The following ZNF423 variants were observed in gnomAD, a reference collection of about 807,000 sequenced individuals.
The protein encoded by ZNF423 is Ebf-associated zinc finger protein.
Under a neutral mutation model 95.8 loss-of-function variants are expected in ZNF423, and 12 were observed. That is an observed-to-expected ratio of 0.13 (90% CI 0.08 to 0.20). ZNF423 has a LOEUF of 0.20. Among genes scored for constraint, ZNF423 ranks in the 10% least tolerant of loss-of-function variants. The pLI, the probability that ZNF423 is intolerant of heterozygous loss-of-function variation, is 1.00. For missense variants in ZNF423, 1,316 were observed against 1,737.1 expected, an observed-to-expected ratio of 0.76 and a Z score of 4.31; for synonymous variants, 749 against 711.9, an observed-to-expected ratio of 1.05 and a Z score of -0.83.
Position 49,798,531 on chromosome 16 carries a change from A to G in ZNF423, c.41-8985T>C, listed in dbSNP as rs182227617. 5.3e-4 allele frequency among the ~76,000 whole-genome samples: 81 copies of G among 152,292 alleles called. 1 individual carries two copies. Among genetic ancestry groups the G allele is most frequent in the Non-Finnish European group, 1.9e-4 (13 of 68,028 alleles). On this transcript the variant is annotated intron_variant, in intron 1 of 7. Transcript: ENST00000563137. ...TCAGAAACAAAACAAAATAAAAAAG[A>G]AGCCTGTTTTCAGACAACACAACTC...
intron 4 of ZNF423, among the ~76,000 whole-genome samples, chr16:49,628,365 T>G (rs1972381079): frequency 6.6e-6 from 1 of 151,072 alleles, no homozygotes; most frequent in South Asian, 2.1e-4. Flanking sequence ...CACCCATCCA[T>G]CTACATACAC....
chr16:49,606,528 A>T (rs1475807088), intron 5 of ZNF423, among the ~76,000 whole-genome samples: 1 of 152,156 alleles, frequency 6.6e-6, no homozygotes, highest in Non-Finnish European at 1.5e-5. Flanking sequence ...GCCCTGATGG[A>T]CTGGGGGTTA....
intron 3 of ZNF423, among the ~76,000 whole-genome samples, chr16:49,654,366 C>T (rs1347340105): frequency 6.6e-6 from 1 of 152,212 alleles, no homozygotes; most frequent in African/African-American, 2.4e-5. Flanking sequence ...CTCATTTCCT[C>T]CTTTCCTGGT....
chr16:49,812,525 T>C (rs2034769494), intron 1 of ZNF423, among the ~76,000 whole-genome samples: 1 of 152,094 alleles, frequency 6.6e-6, no homozygotes, highest in South Asian at 2.1e-4. Context: ...TGAGCACATC[T>C]CTACAAAAAA....
At chr16:49,714,345 C>T (rs565036721) in intron 3 of ZNF423, among the ~76,000 whole-genome samples, 18 of 152,282 alleles carry the variant, frequency 1.2e-4, no homozygotes, top group African/African-American at 4.1e-4. Context: ...GGGCCTAGTA[C>T]ATACTAGGAG....
chr16:49,706,610 G>A (rs1042572538), intron 3 of ZNF423, among the ~76,000 whole-genome samples: 6 of 152,176 alleles, frequency 3.9e-5, no homozygotes, highest in Admixed American at 3.3e-4. Context: ...GGTGTCAGAA[G>A]GAAATTAAAA....
intron 5 of ZNF423, among the ~76,000 whole-genome samples, chr16:49,567,481 G>A (rs1249902131): frequency 6.6e-6 from 1 of 152,010 alleles, no homozygotes; most frequent in African/African-American, 2.4e-5. Context: ...ACCCCAGAAG[G>A]GTTCAAAAGA....
chr16:49,792,920 T>C (rs975294488), intron 1 of ZNF423, among the ~76,000 whole-genome samples: 9 of 152,070 alleles, frequency 5.9e-5, no homozygotes, highest in African/African-American at 2.2e-4. Context: ...TGCCACTTCA[T>C]CTGGCTAATT....
At chr16:49,581,277 G>C (rs551841009) in intron 5 of ZNF423, among the ~76,000 whole-genome samples, 22 of 152,286 alleles carry the variant, frequency 1.4e-4, no homozygotes, top group African/African-American at 5.1e-4. Flanking sequence ...GTGAAAAAAA[G>C]CAAACAATTA....
chr16:49,819,025 C>T (rs1264365735), intron 1 of ZNF423, among the ~76,000 whole-genome samples: 4 of 151,678 alleles, frequency 2.6e-5, no homozygotes, highest in Non-Finnish European at 5.9e-5. Flanking sequence ...AGGCTGAGGC[C>T]GGTGGATTAC....
chr16:49,551,877 A>G (rs1969653586), intron 5 of ZNF423, among the ~76,000 whole-genome samples: 1 of 152,230 alleles, frequency 6.6e-6, no homozygotes, highest in African/African-American at 2.4e-5. Flanking sequence ...CTGGACCAAG[A>G]GAGTGGCCTC....
intron 4 of ZNF423, among the ~76,000 whole-genome samples, chr16:49,627,622 C>T (rs1421834557): frequency 6.7e-6 from 1 of 149,226 alleles, no homozygotes; most frequent in East Asian, 2.0e-4. Flanking sequence ...TCCACCCATA[C>T]TCCATCTACC....
intron 5 of ZNF423, among the ~76,000 whole-genome samples, chr16:49,584,979 T>C (rs1970781218): frequency 6.6e-6 from 1 of 152,130 alleles, no homozygotes; most frequent in Non-Finnish European, 1.5e-5. Flanking sequence ...TCCCCGGCAC[T>C]CACTTCATTA....
chr16:49,510,816 C>T (rs920333310), intron 7 of ZNF423, among the ~76,000 whole-genome samples: 12 of 152,224 alleles, frequency 7.9e-5, no homozygotes, highest in Admixed American at 1.3e-4. Flanking sequence ...CATGTGGTCC[C>T]GGCTGAGGCA....
At chr16:49,779,002 C>T (rs952751383) in intron 2 of ZNF423, among the ~76,000 whole-genome samples, 92 of 152,270 alleles carry the variant, frequency 6.0e-4, no homozygotes, top group African/African-American at 2.1e-3. Flanking sequence ...TATTGAACAG[C>T]TAATAAGTAT....
chr16:49,658,386 T>A (rs899456843), intron 3 of ZNF423, among the ~76,000 whole-genome samples: 2 of 152,194 alleles, frequency 1.3e-5, no homozygotes, highest in African/African-American at 4.8e-5. Flanking sequence ...TTTTCAAGGA[T>A]GTGCTGGGCT....
intron 1 of ZNF423, among the ~76,000 whole-genome samples, chr16:49,844,966 C>A (rs1382669509): frequency 7.9e-6 from 1 of 126,898 alleles, no homozygotes; most frequent in African/African-American, 3.1e-5. Context: ...ACCCAGGAGG[C>A]AGAGGTTGCA....
intron 4 of ZNF423, among the ~76,000 whole-genome samples, chr16:49,628,099 C>T (rs1357229349): frequency 6.6e-6 from 1 of 151,272 alleles, no homozygotes; most frequent in African/African-American, 2.4e-5. Flanking sequence ...ATCCACCCTC[C>T]ATCTACCCAT....
intron 1 of ZNF423, among the ~76,000 whole-genome samples, chr16:49,834,820 C>T (rs1040870289): frequency 6.6e-6 from 1 of 152,060 alleles, no homozygotes; most frequent in Non-Finnish European, 1.5e-5. Flanking sequence ...TCAGAGCCGC[C>T]GGCTGTGCGC....
Sources: allele counts gnomAD v4.1 joint callset (sites outside exome capture counted in the v4.1 genomes callset), GRCh38; gene constraint gnomAD v4.1.1; transcripts MANE v1.5; gene names NCBI Gene and HGNC (gene_info 2026-07-23, HGNC 2026-07-21).